Variants in CFAP299 observed in about 807,000 individuals in gnomAD.
CFAP299 encodes cilia and flagella associated protein 299.
A neutral mutation model predicts 27.0 loss-of-function variants in CFAP299; 21 were observed. The ratio of observed to expected loss-of-function variants is 0.78; its 90% CI spans 0.55 to 1.12. The LOEUF (loss-of-function observed/expected upper bound fraction) is 1.12. CFAP299 is among the 50% of genes most tolerant of loss of function. CFAP299 has a pLI of 0.00. For missense variants in CFAP299, 310 were observed against 276.6 expected, an observed-to-expected ratio of 1.12 and a Z score of -0.86; for synonymous variants, 104 against 98.1, an observed-to-expected ratio of 1.06 and a Z score of -0.36.
At chr4:80,451,598 A>T (rs1170545878) in intron 2 of CFAP299, among the ~76,000 whole-genome samples, 1 of 152,244 alleles carries the variant, frequency 6.6e-6, no homozygotes. Context: ...ACTGAAAATA[A>T]CTAAATTCAC....
At chr4:80,339,839 C>T (rs1371330915) in intron 1 of CFAP299, among the ~76,000 whole-genome samples, 1 of 152,012 alleles carries the variant, frequency 6.6e-6, no homozygotes, top group Non-Finnish European at 1.5e-5. Flanking sequence ...AATAAAGGTG[C>T]CTATGACCAC....
intron 2 of CFAP299, chr4:80,387,156 C>G (rs576914001): frequency 6.8e-5 from 93 of 1,371,814 alleles, no homozygotes; most frequent in South Asian, 2.6e-4. Context: ...ACGGCACTGC[C>G]CTTCTTGGGG....
intron 3 of CFAP299, among the ~76,000 whole-genome samples, chr4:80,759,247 A>G (rs1725419862): frequency 6.6e-6 from 1 of 152,126 alleles, no homozygotes; most frequent in African/African-American, 2.4e-5. Flanking sequence ...AAGCTGACCA[A>G]TATATAGACC....
intron 3 of CFAP299, among the ~76,000 whole-genome samples, chr4:80,812,088 T>A (rs1335390042): frequency 6.6e-6 from 1 of 152,042 alleles, no homozygotes; most frequent in East Asian, 1.9e-4. Context: ...CAAACAGTAT[T>A]CATATATTAG....
intron 4 of CFAP299, among the ~76,000 whole-genome samples, chr4:80,898,976 G>A (rs962871799): frequency 6.6e-6 from 1 of 152,144 alleles, no homozygotes; most frequent in African/African-American, 2.4e-5. Flanking sequence ...AAAGAATAAG[G>A]AAAAGATTAT....
At chr4:80,882,588 A>C (rs1733762608) in intron 4 of CFAP299, among the ~76,000 whole-genome samples, 1 of 151,930 alleles carries the variant, frequency 6.6e-6, no homozygotes, top group South Asian at 2.1e-4. Flanking sequence ...CAGTAAGCCG[A>C]GATAGCGCCG....
chr4:80,906,306 C>A (rs1329111684), intron 4 of CFAP299, among the ~76,000 whole-genome samples: 1 of 152,226 alleles, frequency 6.6e-6, no homozygotes, highest in Non-Finnish European at 1.5e-5. Context: ...GGCAGATCCA[C>A]CCCTGTGGCT....
At chr4:80,388,567 CT>C (rs969136368) in intron 2 of CFAP299, 107 of 1,424,340 alleles carry the variant, frequency 7.5e-5, no homozygotes, top group Admixed American at 3.1e-4. Flanking sequence ...GAAAGACATC[CT>C]CATCATCCAA....
At chr4:80,395,041 T>G (rs12501575) in intron 2 of CFAP299, among the ~76,000 whole-genome samples, 94,541 of 151,900 alleles carry the variant, frequency 0.62, 32,880 homozygotes, top group Non-Finnish European at 0.76. Flanking sequence ...ACAATATTAA[T>G]TATTCTAATT....
intron 2 of CFAP299, among the ~76,000 whole-genome samples, chr4:80,399,167 C>T (rs1036878328): frequency 1.9e-4 from 29 of 152,204 alleles, no homozygotes; most frequent in African/African-American, 6.5e-4. Context: ...GTTAGAATGG[C>T]GATCATTAAA....
At chr4:80,636,740 C>T (rs374090983) in intron 3 of CFAP299, among the ~76,000 whole-genome samples, 11 of 152,116 alleles carry the variant, frequency 7.2e-5, no homozygotes, top group East Asian at 1.9e-4. Context: ...AATGTTTTAT[C>T]GGTACTCAGC....
At chr4:80,446,651 G>T (rs1315049062) in intron 2 of CFAP299, among the ~76,000 whole-genome samples, 2 of 151,998 alleles carry the variant, frequency 1.3e-5, no homozygotes, top group East Asian at 3.9e-4. Context: ...ATTACTTTCT[G>T]CATTAGGGAC....
At chr4:80,857,186 C>T (rs1035824449) in intron 3 of CFAP299, among the ~76,000 whole-genome samples, 2 of 152,144 alleles carry the variant, frequency 1.3e-5, no homozygotes, top group African/African-American at 4.8e-5. Flanking sequence ...GGAGTTCACT[C>T]ATGATTTGGC....
At chr4:80,598,796 G>T (rs1223479551) in intron 3 of CFAP299, among the ~76,000 whole-genome samples, 3 of 152,154 alleles carry the variant, frequency 2.0e-5, no homozygotes, top group Non-Finnish European at 4.4e-5. Flanking sequence ...CTATTTAGTT[G>T]TACCTAACAT....
At chr4:80,675,334 A>T (rs1719367149) in intron 3 of CFAP299, among the ~76,000 whole-genome samples, 1 of 152,186 alleles carries the variant, frequency 6.6e-6, no homozygotes, top group Non-Finnish European at 1.5e-5. Context: ...GACCCTGTTT[A>T]CCTGGGTATC....
At chr4:80,510,821 A>G (rs1202735976) in intron 2 of CFAP299, among the ~76,000 whole-genome samples, 5 of 152,208 alleles carry the variant, frequency 3.3e-5, no homozygotes, top group Non-Finnish European at 5.9e-5. Flanking sequence ...CATTTGTAGT[A>G]TGTACAATGT....
At chr4:80,900,009 C>G (rs769122781) in intron 4 of CFAP299, among the ~76,000 whole-genome samples, 12 of 151,858 alleles carry the variant, frequency 7.9e-5, no homozygotes, top group African/African-American at 1.5e-4. Flanking sequence ...GGTAACGGGT[C>G]AGAGAAAAAC....
intron 2 of CFAP299, among the ~76,000 whole-genome samples, chr4:80,452,059 T>G (rs1012190675): frequency 6.6e-6 from 1 of 152,182 alleles, no homozygotes; most frequent in Non-Finnish European, 1.5e-5. Context: ...GGTAATTTCC[T>G]GAAGGCTACA....
intron 3 of CFAP299, among the ~76,000 whole-genome samples, chr4:80,831,020 G>C (rs1010374518): frequency 6.6e-6 from 1 of 151,978 alleles, no homozygotes; most frequent in Admixed American, 6.6e-5. Context: ...TTGCACAAAC[G>C]GAAAATGGCA....
Sources: allele counts gnomAD v4.1 joint callset (sites outside exome capture counted in the v4.1 genomes callset), GRCh38; gene constraint gnomAD v4.1.1; transcripts MANE v1.5; gene names NCBI Gene and HGNC (gene_info 2026-07-23, HGNC 2026-07-21).